Variants in MEIS2 observed in about 807,000 individuals in gnomAD.
MEIS2 encodes the protein Meis homeobox 2, also known as homeobox protein Meis2.
MEIS2 carries 9 observed loss-of-function variants against 58.6 expected under a neutral mutation model. The ratio of observed to expected loss-of-function variants is 0.15; its 90% confidence interval spans 0.09 to 0.27. The LOEUF (loss-of-function observed/expected upper bound fraction) is 0.27, where lower values mean the gene tolerates loss of function less well. Ranked by LOEUF, MEIS2 falls within the 10% of genes least tolerant of loss-of-function variation. The probability of loss-of-function intolerance (pLI) is 1.00; values close to 1 mark genes in which losing one functional copy is unlikely to be tolerated. For missense variants in MEIS2, 427 were observed against 635.0 expected (o/e 0.67, Z 3.52); for synonymous variants, 221 against 228.4 (o/e 0.97, Z 0.29).
chr15:36,913,260 T>C (rs768543737), intron 9 of MEIS2, among the ~76,000 whole-genome samples: 5 of 152,246 alleles, frequency 3.3e-5, no homozygotes, highest in Admixed American at 1.3e-4. Context: ...AGTTAATCCA[T>C]AGATGTGGTT....
At chr15:36,971,104 G>A (rs73391553) in intron 8 of MEIS2, among the ~76,000 whole-genome samples, 19,117 of 151,582 alleles carry the variant, frequency 0.13, 1,704 homozygotes, top group East Asian at 0.3. Flanking sequence ...TGGTGGGCTT[G>A]GGGGGGTGGG....
chr15:37,096,149 G>A, intron 3 of MEIS2, 140 bp downstream of exon 3: 1 of 878,934 alleles, frequency 1.1e-6, no homozygotes, highest in Non-Finnish European at 1.7e-6. Flanking sequence ...CTCAGGGATG[G>A]GGAGGAGGCG....
chr15:37,083,538 C>G (rs1892507678), intron 7 of MEIS2, among the ~76,000 whole-genome samples: 1 of 152,120 alleles, frequency 6.6e-6, no homozygotes, highest in South Asian at 2.1e-4. Flanking sequence ...ATTGGCAGAA[C>G]TAATCAATTG....
At chr15:37,050,276 CT>C (rs1469479966) in intron 7 of MEIS2, among the ~76,000 whole-genome samples, 1 of 152,144 alleles carries the variant, frequency 6.6e-6, no homozygotes, top group African/African-American at 2.4e-5. Flanking sequence ...AACCATATCT[CT>C]TTTTCTCATA....
chr15:37,096,220 T>G (rs1161606017), intron 3 of MEIS2, 69 bp downstream of exon 3: 1 of 1,465,000 alleles, frequency 6.8e-7, no homozygotes, highest in South Asian at 1.4e-5. Flanking sequence ...TCCTTTCAAG[T>G]AAAGCTCCGA....
At chr15:36,988,543 C>G (rs952124059) in intron 8 of MEIS2, among the ~76,000 whole-genome samples, 1 of 152,074 alleles carries the variant, frequency 6.6e-6, no homozygotes, top group African/African-American at 2.4e-5. Flanking sequence ...AGATAACAGT[C>G]CTGAGGAAAA....
intron 8 of MEIS2, among the ~76,000 whole-genome samples, chr15:37,022,990 T>C (rs1567193666): frequency 2.0e-5 from 3 of 152,200 alleles, no homozygotes; most frequent in African/African-American, 7.2e-5. Flanking sequence ...TGTACAATGC[T>C]TTATTTATTA....
At chr15:37,029,262 T>C (rs770172138) in intron 8 of MEIS2, among the ~76,000 whole-genome samples, 26 of 152,204 alleles carry the variant, frequency 1.7e-4, no homozygotes, top group Non-Finnish European at 3.7e-4. Context: ...CACATAAGTA[T>C]TTCTTAGGAG....
intron 8 of MEIS2, among the ~76,000 whole-genome samples, chr15:37,015,931 G>T (rs1245830717): frequency 6.6e-6 from 1 of 151,956 alleles, no homozygotes; most frequent in Admixed American, 6.6e-5. Flanking sequence ...AAACCATCCT[G>T]TCCCCACATT....
intron 7 of MEIS2, among the ~76,000 whole-genome samples, chr15:37,045,393 T>C (rs942116373): frequency 3.9e-5 from 6 of 152,132 alleles, no homozygotes; most frequent in Non-Finnish European, 5.9e-5. Flanking sequence ...AGGTATTTTC[T>C]TTCAGCGGTT....
intron 8 of MEIS2, among the ~76,000 whole-genome samples, chr15:37,033,174 T>G (rs917351017): frequency 1.3e-5 from 2 of 152,126 alleles, no homozygotes; most frequent in African/African-American, 4.8e-5. Context: ...GTATTCAGAA[T>G]AGGTGACAAT....
At chr15:36,934,912 T>C (rs1243467469) in intron 9 of MEIS2, among the ~76,000 whole-genome samples, 1 of 152,204 alleles carries the variant, frequency 6.6e-6, no homozygotes, top group Admixed American at 6.5e-5. Flanking sequence ...TAAACTACCA[T>C]GTGGGAATGT....
At chr15:37,018,886 T>C (rs984578559) in intron 8 of MEIS2, among the ~76,000 whole-genome samples, 12 of 152,152 alleles carry the variant, frequency 7.9e-5, no homozygotes, top group African/African-American at 2.9e-4. Context: ...TGGAGTGCTG[T>C]GGCCCCATCG....
intron 6 of MEIS2, among the ~76,000 whole-genome samples, chr15:37,085,889 C>T (rs545956527): frequency 1.7e-4 from 26 of 151,980 alleles, no homozygotes; most frequent in Non-Finnish European, 3.1e-4. Flanking sequence ...GAAGCCTCTT[C>T]GTGTCAGCTG....
At chr15:36,975,729 G>A (rs956867360) in intron 8 of MEIS2, among the ~76,000 whole-genome samples, 14 of 152,142 alleles carry the variant, frequency 9.2e-5, no homozygotes, top group Non-Finnish European at 1.9e-4. Flanking sequence ...CCCAGGGTGA[G>A]TCCAAGGTGA....
chr15:37,031,421 ATG>A (rs60605081), intron 8 of MEIS2, among the ~76,000 whole-genome samples: 12 of 146,946 alleles, frequency 8.2e-5, no homozygotes, highest in African/African-American at 1.3e-4. Context: ...TCCCTTGCAT[ATG>A]TGTGTGTGTG....
rs75362750 is a variant in MEIS2 at position 37,017,620 on chromosome 15, T to A, written c.900+19194A>T. On this transcript the variant is annotated intron_variant, in intron 8 of 11. Transcript: ENST00000561208. ...CCGGCCTCACACACAAAAAAGTGCC[T>A]GATTATATCTCATTATGAGAAAGGT... 2.9e-4 allele frequency among the ~76,000 whole-genome samples: 44 copies of A among 152,206 alleles called. No homozygotes were observed. In the East Asian group the frequency reaches 7.3e-3, roughly 25 times the overall value.
Position 36,911,248 on chromosome 15 carries a change from C to T in MEIS2, c.978-14562G>A, listed in dbSNP as rs867998323. On this transcript the variant is annotated intron_variant, in intron 9 of 11. Transcript: ENST00000561208. ...CTGCTTCAAAATAGCTGTTTGAAAC[C>T]GAAGAATAATCTTAAGAATAACGTG... 4.0e-5 allele frequency among the ~76,000 whole-genome samples: 6 copies of T among 150,886 alleles called. No individual in the cohort carries two copies. In the South Asian group the frequency reaches 6.3e-4, roughly 16 times the overall value.
intron 8 of MEIS2, among the ~76,000 whole-genome samples, chr15:37,013,217 G>A (rs373667147): frequency 4.8e-4 from 73 of 152,220 alleles, no homozygotes; most frequent in South Asian, 3.5e-3. Context: ...CTGAAGAAAC[G>A]AGAGAGAAAG....
Sources: gnomAD v4.1 joint callset for allele counts (sites outside exome capture counted in the v4.1 genomes callset) on GRCh38, gnomAD v4.1.1 for gene constraint, MANE v1.5 for transcripts, NCBI Gene and HGNC (gene_info 2026-07-23, HGNC 2026-07-21) for gene names.